The following PLEKHH2 variants were observed in gnomAD, a reference collection of about 807,000 sequenced individuals.
PLEKHH2 encodes pleckstrin homology domain-containing family H member 2.
In PLEKHH2, 129 loss-of-function variants were observed where a neutral mutation model predicts 187.9. The observed-to-expected ratio is 0.69, with a 90% CI of 0.59 to 0.79. PLEKHH2 has a LOEUF of 0.79. Ranked by LOEUF, PLEKHH2 falls within the 30% of genes least tolerant of loss-of-function variation. PLEKHH2 has a pLI of 0.00. For synonymous variants in PLEKHH2, 686 were observed against 605.6 expected (o/e 1.13, Z -1.95); for missense variants, 2,076 against 1,751.2 (o/e 1.19, Z -3.31).
intron 7 of PLEKHH2, among the ~76,000 whole-genome samples, chr2:43,699,027 A>G (rs1452012624): frequency 6.6e-6 from 1 of 152,152 alleles, no homozygotes; most frequent in African/African-American, 2.4e-5. Flanking sequence ...ATAGCTTTGT[A>G]TTTATTATGC....
At chr2:43,735,619 A>G (rs1461004522) in intron 19 of PLEKHH2, among the ~76,000 whole-genome samples, 1 of 152,206 alleles carries the variant, frequency 6.6e-6, no homozygotes, top group Non-Finnish European at 1.5e-5. Flanking sequence ...TGTTAGAGGT[A>G]GTGGGTATCC....
rs780924933 is a variant in PLEKHH2, at chr2:43,697,311, A to C, written c.643A>C (p.Ile215Leu). 3.1e-6 allele frequency: 5 copies of C among 1,613,602 alleles called. No individual in the cohort carries two copies. In the African/African-American group the frequency reaches 5.3e-5, roughly 17 times the overall value. ...QVVKSEEMSK[I>L]SSKEPEFTEG... ...AGTAAAATCTGAGGAAATGAGCAAGATATCATCGAAAGAACCTGAGTTCAC... is the reference window on the plus strand; with the variant it reads ...AGTAAAATCTGAGGAAATGAGCAAGCTATCATCGAAAGAACCTGAGTTCAC... Residue 215 changes from isoleucine (I) to leucine (L), a missense_variant, in exon 7 of 30, where the codon ATA (isoleucine) becomes CTA (leucine). Coordinates refer to ENST00000282406, the MANE Select transcript of PLEKHH2 (RefSeq NM_172069.4).
intron 9 of PLEKHH2, among the ~76,000 whole-genome samples, chr2:43,705,597 G>A (rs1187841111): frequency 2.0e-5 from 3 of 152,080 alleles, no homozygotes; most frequent in African/African-American, 7.2e-5. Flanking sequence ...AGATTTACCT[G>A]ATAAAGGCTT....
At position 43,765,748 on chromosome 2, in the gene PLEKHH2, C is replaced by A; in HGVS notation, c.*150C>A. On this transcript the variant is annotated 3_prime_UTR_variant, in exon 30 of 30. Coordinates refer to ENST00000282406, the MANE Select transcript of PLEKHH2 (RefSeq NM_172069.4). ...GGGGGTTAGTCTCTTTTATTTGATT[C>A]TTAAATATTCAAATAAATATTAACA... is the stretch of plus-strand genomic sequence containing the variant. 1 of 671,472 alleles carries A rather than the reference C, an allele frequency of 1.5e-6. No homozygotes were observed. The highest frequency in any genetic ancestry group is 2.3e-6 in the Non-Finnish European group (1 of 437,326). The allele number at this position is 671,472 out of a possible 1,614,324, so 41.6% of individuals were successfully genotyped here.
At chr2:43,682,064 C>T (rs1447080223) in intron 3 of PLEKHH2, among the ~76,000 whole-genome samples, 1 of 152,070 alleles carries the variant, frequency 6.6e-6, no homozygotes, top group Non-Finnish European at 1.5e-5. Context: ...TTCCCCTGCC[C>T]CCCTCACACT....
chr2:43,680,234 G>C (rs1668098881), intron 3 of PLEKHH2, among the ~76,000 whole-genome samples: 1 of 152,150 alleles, frequency 6.6e-6, no homozygotes, highest in Non-Finnish European at 1.5e-5. Context: ...AAAGCTTAAA[G>C]AGCCAGCTTT....
chr2:43,669,333 G>T (rs1282429926), intron 2 of PLEKHH2, among the ~76,000 whole-genome samples: 1 of 152,294 alleles, frequency 6.6e-6, no homozygotes, highest in Non-Finnish European at 1.5e-5. Flanking sequence ...GACTGCCAAT[G>T]GGTACAGGGT....
At chr2:43,648,673 T>C (rs1442945286) in intron 2 of PLEKHH2, among the ~76,000 whole-genome samples, 2 of 151,514 alleles carry the variant, frequency 1.3e-5, no homozygotes, top group Non-Finnish European at 1.5e-5. Context: ...CTCCACCTCC[T>C]GGATTCAAGT....
intron 3 of PLEKHH2, chr2:43,679,433 C>A (rs1572540206): frequency 6.4e-6 from 2 of 311,298 alleles, no homozygotes; most frequent in Non-Finnish European, 1.2e-5. Flanking sequence ...GAGGAAACAC[C>A]CCAAAATTTT....
At chr2:43,756,810 G>A (rs1432787033) in intron 25 of PLEKHH2, among the ~76,000 whole-genome samples, 4 of 152,086 alleles carry the variant, frequency 2.6e-5, no homozygotes, top group Admixed American at 1.3e-4. Context: ...TTAGCCAAGC[G>A]TGGTGGTATA....
chr2:43,735,193 AAAAAG>A (rs1199480050), intron 19 of PLEKHH2, among the ~76,000 whole-genome samples: 1 of 152,164 alleles, frequency 6.6e-6, no homozygotes, highest in Non-Finnish European at 1.5e-5. Flanking sequence ...CTGTCTCAAA[AAAAAG>A]AAAAAAATGT....
At chr2:43,761,990 A>C (rs1672447768) in intron 27 of PLEKHH2, among the ~76,000 whole-genome samples, 2 of 152,194 alleles carry the variant, frequency 1.3e-5, no homozygotes, top group Non-Finnish European at 2.9e-5. Context: ...CTTAACGCAG[A>C]AGAAAAGTAA....
intron 14 of PLEKHH2, chr2:43,711,380 A>C (rs1669957584): frequency 1.0e-6 from 1 of 985,110 alleles, no homozygotes; most frequent in Non-Finnish European, 1.2e-6. Context: ...AGTTTCTGAA[A>C]TTTGGAAAAT....
intron 2 of PLEKHH2, 99 bp from the exon 3 acceptor site, chr2:43,678,764 G>GGAGGTGGAGGTA (rs1270336896): frequency 2.4e-6 from 2 of 844,250 alleles, no homozygotes; most frequent in African/African-American, 3.4e-5. Context: ...AGGTGGAGGT[G>GGAGGTGGAGGTA]GAGGTGGAGG....
rs1558516976 is a variant in PLEKHH2, at chr2:43,700,383, T to A, written c.1425T>A (p.Ala475=). The A allele has an allele frequency of 6.2e-7, 1 of 1,614,118 alleles. No individual in the cohort carries two copies. The highest frequency in any genetic ancestry group is 8.5e-7 in the Non-Finnish European group (1 of 1,180,022). ...GGATGTTTGGTACAAATAGAAACGC[T>A]ATAAGCATGATACGACCACTGAGAC... ...SDRMFGTNRN[A]ISMIRPLRPQ... The change falls in exon 8 of 30, where the codon GCT becomes GCA. Residue 475 remains alanine, a synonymous_variant. Coordinates refer to ENST00000282406, the MANE Select transcript of PLEKHH2 (RefSeq NM_172069.4).
intron 7 of PLEKHH2, 32 bp from the exon 8 acceptor site, chr2:43,699,615 G>A: frequency 6.3e-7 from 1 of 1,585,112 alleles, no homozygotes; most frequent in Non-Finnish European, 8.6e-7. Context: ...ATTCTTAAAG[G>A]CAGCATGCTG....
rs780288134 is a variant in PLEKHH2, at chr2:43,738,470, A to G, written c.3073A>G (p.Ile1025Val). The G allele has an allele frequency of 2.5e-6, 4 of 1,613,960 alleles. No homozygotes were observed. The Admixed American group carries it at 6.7e-5, about 27-fold the overall frequency. Residue 1025 changes from isoleucine (I) to valine (V), a missense_variant, in exon 20 of 30, where the codon ATT becomes GTT. Physicochemically the swap from Ile to Val is conservative, Grantham distance 29. Coordinates refer to ENST00000282406, the MANE Select transcript of PLEKHH2 (RefSeq NM_172069.4). The stretch of plus-strand genomic sequence containing the variant: ...GCAGAATGAAATTTGCTGTCAGCTT[A>G]TTAAACAGACAAGACGAAGACAGCC... ...ELQNEICCQL[I>V]KQTRRRQPQN...
At chr2:43,726,124 C>CA (rs3066315) in intron 16 of PLEKHH2, 148 bp from the exon 17 acceptor site, 12,670 of 459,070 alleles carry the variant, frequency 0.028, 54 homozygotes, top group East Asian at 0.06. Flanking sequence ...AACCCTGTCT[C>CA]AAAAAAAAAA....
At chr2:43,761,053 C>G (rs911180815) in intron 27 of PLEKHH2, among the ~76,000 whole-genome samples, 1 of 152,170 alleles carries the variant, frequency 6.6e-6, no homozygotes, top group Non-Finnish European at 1.5e-5. Flanking sequence ...TCAGTGGACA[C>G]TAGAGTTGAA....
Sources: allele counts gnomAD v4.1 joint callset (sites outside exome capture counted in the v4.1 genomes callset), GRCh38; gene constraint gnomAD v4.1.1; transcripts MANE v1.5; gene names NCBI Gene and HGNC (gene_info 2026-07-23, HGNC 2026-07-21).